Variants in AP3M2 observed in about 807,000 individuals in gnomAD.
AP3M2 encodes adaptor related protein complex 3 subunit mu 2.
A neutral mutation model predicts 41.6 loss-of-function variants in AP3M2; 28 were observed. That is an observed-to-expected ratio of 0.67 (90% CI 0.50 to 0.92). The LOEUF (loss-of-function observed/expected upper bound fraction) is 0.92, where lower values mean the gene tolerates loss of function less well. Among genes scored for constraint, AP3M2 ranks in the 40% least tolerant of loss-of-function variants. AP3M2 has a pLI of 0.00. For synonymous variants in AP3M2, 193 were observed against 186.4 expected (o/e 1.04, Z -0.29); for missense variants, 427 against 521.4 (o/e 0.82, Z 1.76).
At chr8:42,168,095 A>T in intron 8 of AP3M2, 1 of 560,102 alleles carries the variant, frequency 1.8e-6, no homozygotes, top group Non-Finnish European at 3.3e-6. Flanking sequence ...GGATCATCTT[A>T]GGGTTGTTCA....
In AP3M2 at chr8:42,167,330, A is replaced by G. The variant is rs1302400022; in HGVS notation, c.970A>G (p.Thr324Ala). ...CAAGGGGGTCCTGAACATGAGCCTT[A>G]CTCCATCACAGGGGACACACACATT... ...MPKGVLNMSLTPSQGTHTFDP... is the reference protein window; with the variant it reads ...MPKGVLNMSLAPSQGTHTFDP... Residue 324 changes from threonine to alanine, a missense_variant, in exon 7 of 9, where the codon ACT becomes GCT. Physicochemically the swap from Thr to Ala is moderately conservative, Grantham distance 58. Around this residue, in one of 3 missense-constraint regions of AP3M2, gnomAD observed 237 missense variants for 284.9 expected, o/e 0.83. Transcript: ENST00000396926. 6.2e-7 allele frequency: 1 copy of G among 1,614,106 alleles called. No individual in the cohort carries two copies. The highest frequency in any genetic ancestry group is 1.7e-5 in the Admixed American group (1 of 60,020).
intron 5 of AP3M2, 70 bp downstream of exon 5, chr8:42,165,226 G>C: frequency 6.5e-7 from 1 of 1,529,136 alleles, no homozygotes; most frequent in Non-Finnish European, 9.0e-7. Flanking sequence ...ACAGAGTAGT[G>C]GGAATGGAAT....
chr8:42,166,212 A>C (rs1564118845), intron 6 of AP3M2, among the ~76,000 whole-genome samples: 1 of 152,182 alleles, frequency 6.6e-6, no homozygotes, highest in East Asian at 1.9e-4. Flanking sequence ...ACTTAATCTC[A>C]GTTAAGTATA....
At chr8:42,157,613 T>C (rs192023112) in intron 2 of AP3M2, among the ~76,000 whole-genome samples, 27 of 140,514 alleles carry the variant, frequency 1.9e-4, no homozygotes, top group Admixed American at 1.2e-3. Flanking sequence ...TATAATTCTT[T>C]CAAATTCTTG....
chr8:42,161,052 C>T (rs1804492321), intron 3 of AP3M2, among the ~76,000 whole-genome samples: 3 of 152,086 alleles, frequency 2.0e-5, no homozygotes, highest in Admixed American at 2.0e-4. Context: ...TGCCTGTATC[C>T]AATACTTTAG....
chr8:42,156,053 C>T (rs761105584), intron 2 of AP3M2: 10 of 426,530 alleles, frequency 2.3e-5, no homozygotes, highest in Non-Finnish European at 1.8e-5. Flanking sequence ...AGTATAAGTC[C>T]CAGTATGTGG....
rs747178641 is a variant in AP3M2, at chr8:42,165,109, G to T, written c.622G>T (p.Ala208Ser). 6.2e-7 allele frequency: 1 copy of T among 1,614,088 alleles called. No homozygotes were observed. Among genetic ancestry groups the T allele is most frequent in the East Asian group, 2.2e-5 (1 of 44,884 alleles). Residue 208 changes from alanine to serine, a missense_variant, in exon 5 of 9, where the codon GCC becomes TCC. Physicochemically the swap from Ala to Ser is moderately conservative, Grantham distance 99. Around this residue, in one of 3 missense-constraint regions of AP3M2, gnomAD observed 237 missense variants for 284.9 expected, o/e 0.83. Coordinates refer to ENST00000396926, the MANE Select transcript of AP3M2 (RefSeq NM_006803.4). ...ITAEIQGVID[A>S]CVKLTGMPDL... ...TGCTGAGATCCAGGGGGTGATTGAT[G>T]CCTGTGTCAAGCTGACTGGCATGCC... is the stretch of plus-strand genomic sequence containing the variant.
chr8:42,154,567 G>A, intron 1 of AP3M2, 49 bp from the exon 2 acceptor site: 2 of 1,415,802 alleles, frequency 1.4e-6, no homozygotes, highest in Non-Finnish European at 1.9e-6. Context: ...AAAAGATGGG[G>A]AGGGCCTTTT....
intron 4 of AP3M2, 101 bp downstream of exon 4, chr8:42,162,519 ACTT>A: frequency 7.2e-7 from 1 of 1,390,882 alleles, no homozygotes; most frequent in Non-Finnish European, 9.7e-7. Flanking sequence ...AAGGTCATCC[ACTT>A]CAATTTAGTG....
In AP3M2 at chr8:42,167,303, C is replaced by A; in HGVS notation, c.943C>A (p.Pro315Thr). The part of the protein sequence containing the change: ...IEGVTVTSQM[P>T]KGVLNMSLTP... ...GGGAGTGACTGTCACCAGCCAGATG[C>A]CCAAGGGGGTCCTGAACATGAGCCT... Residue 315 changes from proline to threonine, a missense_variant, in exon 7 of 9, where the codon CCC becomes ACC. By Grantham distance (38) the Pro-to-Thr change is conservative (BLOSUM62 -1). This residue lies in a region of AP3M2 where 237 missense variants were observed against 284.9 expected (regional missense o/e 0.83). Coordinates refer to ENST00000396926, the MANE Select transcript of AP3M2 (RefSeq NM_006803.4). 1 of 1,614,112 alleles carries A rather than the reference C, an allele frequency of 6.2e-7. No individual in the cohort carries two copies. Among genetic ancestry groups the A allele is most frequent in the Non-Finnish European group, 8.5e-7 (1 of 1,180,028 alleles).
chr8:42,162,194 A>G, intron 3 of AP3M2, 87 bp from the exon 4 acceptor site: 1 of 1,322,748 alleles, frequency 7.6e-7, no homozygotes, highest in Admixed American at 2.5e-5. Flanking sequence ...GTGCATGAAT[A>G]GTGGGAGCAT....
At chr8:42,163,838 G>A (rs193091022) in intron 4 of AP3M2, among the ~76,000 whole-genome samples, 34 of 152,256 alleles carry the variant, frequency 2.2e-4, no homozygotes, top group Non-Finnish European at 4.6e-4. Flanking sequence ...TCATTGAGCT[G>A]TACACTTTAA....
At position 42,171,017 on chromosome 8, in the gene AP3M2, CAT is replaced by C. The variant is rs1804786365; in HGVS notation, c.*1957_*1958del. On this transcript the variant is annotated 3_prime_UTR_variant, in exon 9 of 9. Transcript: ENST00000396926. ...CATAGATGAAATAACTGTCCTGTCA[CAT>C]GTGCAGCAGGCCATGGAGTGTAGCG... 1 of 152,272 alleles carries C rather than the reference CAT, an allele frequency of 6.6e-6. No homozygotes were observed. 9.4% of individuals were successfully genotyped at this position (152,272 alleles called of 1,614,324 possible). A position where few individuals can be genotyped will look rare whatever the true frequency, so the allele number is the denominator to read the frequency against.
chr8:42,157,931 T>G lies in AP3M2; in HGVS notation c.274-10T>G, dbSNP rs780225333. ...CTGAGTGATCAATGTGTATATTCTG[T>G]CTCCATCAGGATTATTTTGGAGTCT... On this transcript the variant is annotated splice_polypyrimidine_tract_variant and intron_variant, in intron 2 of 8. Transcript: ENST00000396926. The G allele has an allele frequency of 2.2e-5, 36 of 1,608,926 alleles. No homozygotes were observed.
intron 2 of AP3M2, chr8:42,156,076 A>T (rs946864060): frequency 6.6e-6 from 3 of 452,270 alleles, no homozygotes; most frequent in African/African-American, 6.0e-5. Flanking sequence ...GAACTAGAAG[A>T]ACCCAGGAGT....
intron 6 of AP3M2, 162 bp downstream of exon 6, chr8:42,165,722 T>C: frequency 2.9e-6 from 2 of 684,122 alleles, no homozygotes; most frequent in South Asian, 2.2e-5. Context: ...TTAACCCCTA[T>C]GTATCTCTTT....
At position 42,155,063 on chromosome 8, in the gene AP3M2, C is replaced by G. The variant is rs78146060; in HGVS notation, c.273+103C>G. On this transcript the variant is annotated intron_variant, in intron 2 of 8. Coordinates refer to ENST00000396926, the MANE Select transcript of AP3M2 (RefSeq NM_006803.4). ...CATTAAGAAACTTAAAAAAAAAAAT[C>G]AAAACTCTGGTATTACTCACTTCCT... The G allele has an allele frequency of 3.4e-3, 3,371 of 980,916 alleles. 78 individuals are homozygous for G. The African/African-American group carries it at 0.05, about 15-fold the overall frequency. The allele number at this position is 980,916 out of a possible 1,614,324, so 60.8% of individuals were successfully genotyped here.
At chr8:42,158,251 T>G (rs1406511363) in intron 3 of AP3M2, 139 bp downstream of exon 3, 13 of 233,980 alleles carry the variant, frequency 5.6e-5, no homozygotes, top group South Asian at 3.7e-4. Context: ...TTTGTAGTTG[T>G]TTTTTTTTTT....
intron 6 of AP3M2, 136 bp from the exon 7 acceptor site, chr8:42,167,028 A>AT (rs1804656963): frequency 5.5e-6 from 4 of 725,618 alleles, no homozygotes; most frequent in Middle Eastern, 8.1e-4. Flanking sequence ...TTTTCTGTTT[A>AT]TTTTTTCAGA....
Sources: allele counts gnomAD v4.1 joint callset (sites outside exome capture counted in the v4.1 genomes callset), GRCh38; gene constraint gnomAD v4.1.1; regional missense constraint gnomAD v4.1.1; transcripts MANE v1.5; gene names NCBI Gene and HGNC (gene_info 2026-07-23, HGNC 2026-07-21).